GPR39: variants seen among roughly 807,000 people sequenced by gnomAD.
GPR39 encodes the protein G protein-coupled receptor 39, also known as zinc sensing receptor.
Under a neutral mutation model 18.4 loss-of-function variants are expected in GPR39, and 23 were observed. That is an observed-to-expected ratio of 1.25 (90% CI 0.90 to 1.77). GPR39 has a LOEUF of 1.77. Among genes scored for constraint, GPR39 ranks in the 40% most tolerant of loss-of-function variants. The pLI, the probability that GPR39 is intolerant of heterozygous loss-of-function variation, is 0.00. For missense variants in GPR39, 647 were observed against 602.4 expected, an observed-to-expected ratio of 1.07 and a Z score of -0.78; for synonymous variants, 280 against 257.9, an observed-to-expected ratio of 1.09 and a Z score of -0.82.
At chr2:132,456,793 G>A (rs956774178) in intron 1 of GPR39, among the ~76,000 whole-genome samples, 27 of 152,314 alleles carry the variant, frequency 1.8e-4, no homozygotes, top group African/African-American at 6.3e-4. Flanking sequence ...CTTTAAGCAT[G>A]TTGAATATTG....
At chr2:132,585,199 T>A (rs2104826596) in intron 1 of GPR39, among the ~76,000 whole-genome samples, 1 of 152,210 alleles carries the variant, frequency 6.6e-6, no homozygotes, top group Middle Eastern at 3.4e-3. Flanking sequence ...CCCTTTACCG[T>A]TCCACTGCTT....
chr2:132,607,558 T>G (rs1681161157), intron 1 of GPR39, among the ~76,000 whole-genome samples: 1 of 152,204 alleles, frequency 6.6e-6, no homozygotes, highest in Admixed American at 6.5e-5. Context: ...GGTTCTCTCC[T>G]GCAGCCTAAA....
At chr2:132,511,239 A>G (rs1267918702) in intron 1 of GPR39, among the ~76,000 whole-genome samples, 1 of 152,194 alleles carries the variant, frequency 6.6e-6, no homozygotes, top group African/African-American at 2.4e-5. Context: ...CAAACCTGAT[A>G]TTTTATAACA....
chr2:132,594,588 C>T (rs1680904254), intron 1 of GPR39, among the ~76,000 whole-genome samples: 1 of 151,908 alleles, frequency 6.6e-6, no homozygotes, highest in African/African-American at 2.4e-5. Flanking sequence ...CCCTTCCCTG[C>T]CTCCCACCCA....
At chr2:132,614,148 G>A (rs1485824865) in intron 1 of GPR39, among the ~76,000 whole-genome samples, 1 of 150,804 alleles carries the variant, frequency 6.6e-6, no homozygotes, top group Non-Finnish European at 1.5e-5. Flanking sequence ...CATCCATCCA[G>A]AATTGCAGTG....
intron 1 of GPR39, among the ~76,000 whole-genome samples, chr2:132,536,021 A>C (rs192754089): frequency 0.012 from 1,717 of 145,934 alleles, 29 homozygotes; most frequent in African/African-American, 0.038. Flanking sequence ...AAAAAAAAAA[A>C]CAGCTCCTGG....
intron 1 of GPR39, among the ~76,000 whole-genome samples, chr2:132,564,100 C>G (rs532576380): frequency 6.6e-6 from 1 of 152,250 alleles, no homozygotes; most frequent in African/African-American, 2.4e-5. Context: ...AGCAACCCAA[C>G]CTGTCAGGAA....
chr2:132,512,893 T>C (rs989864194), intron 1 of GPR39, among the ~76,000 whole-genome samples: 40 of 152,366 alleles, frequency 2.6e-4, no homozygotes, highest in Admixed American at 9.8e-4. Context: ...AATATTTTCA[T>C]TCTTTATTGC....
chr2:132,451,174 T>TGTGCGC (rs3219552), intron 1 of GPR39, among the ~76,000 whole-genome samples: 86 of 150,462 alleles, frequency 5.7e-4, no homozygotes, highest in Non-Finnish European at 1.1e-3. Flanking sequence ...TGTGTGTGTG[T>TGTGCGC]GCACGCGCGT....
Position 132,606,359 on chromosome 2 carries a change from G to A in GPR39, c.857-38742G>A, listed in dbSNP as rs11902039. 2.5e-3 allele frequency among the ~76,000 whole-genome samples: 380 copies of A among 152,324 alleles called. 2 individuals are homozygous for A. The highest frequency in any genetic ancestry group is 8.7e-3 in the African/African-American group (362 of 41,580). On this transcript the variant is annotated intron_variant, in intron 1 of 1. Transcript: ENST00000329321. ...AAACATACCAAGTGCTTAGCTCAAT[G>A]TTCAGCTAGCAGCAAGTATTTATAA...
intron 1 of GPR39, among the ~76,000 whole-genome samples, chr2:132,455,595 C>T (rs1191228355): frequency 1.3e-5 from 2 of 152,140 alleles, no homozygotes; most frequent in African/African-American, 4.8e-5. Context: ...TTCGATCTTT[C>T]CTGCTTTCTC....
In GPR39 at chr2:132,432,675, C is replaced by A. The variant is rs1680244624; in HGVS notation, c.856+14777C>A. On this transcript the variant is annotated intron_variant, in intron 1 of 1. Coordinates refer to ENST00000329321, the MANE Select transcript of GPR39 (RefSeq NM_001508.3). The stretch of plus-strand genomic sequence containing the variant: ...ACATTTTTCAGCCTACTGCAGGGAG[C>A]AAAGGGATACCAGAAAGTACAAAAA... 1.3e-5 allele frequency among the ~76,000 whole-genome samples: 2 copies of A among 152,270 alleles called. 1 individual carries two copies. The highest frequency in any genetic ancestry group is 3.9e-4 in the East Asian group (2 of 5,186).
chr2:132,628,430 C>T (rs1478536172), intron 1 of GPR39, among the ~76,000 whole-genome samples: 1 of 152,120 alleles, frequency 6.6e-6, no homozygotes, highest in African/African-American at 2.4e-5. Flanking sequence ...TTGGGAGGGC[C>T]CTGGCAGGAG....
intron 1 of GPR39, among the ~76,000 whole-genome samples, chr2:132,610,777 C>CA (rs34611787): frequency 0.2 from 17,450 of 88,610 alleles, 1,555 homozygotes; most frequent in Admixed American, 0.22. Flanking sequence ...ACTCTGTCTC[C>CA]AAAAAAAAAA....
intron 1 of GPR39, among the ~76,000 whole-genome samples, chr2:132,476,482 A>T (rs575430772): frequency 9.9e-5 from 15 of 151,820 alleles, no homozygotes; most frequent in Non-Finnish European, 1.9e-4. Context: ...CTAAAAATAC[A>T]AAAATTAGCT....
intron 1 of GPR39, among the ~76,000 whole-genome samples, chr2:132,483,125 C>T (rs1681265438): frequency 1.3e-5 from 2 of 152,270 alleles, no homozygotes; most frequent in South Asian, 4.1e-4. Flanking sequence ...AAATGAGAGA[C>T]CTAATAATAC....
intron 1 of GPR39, among the ~76,000 whole-genome samples, chr2:132,447,337 A>G (rs536946413): frequency 4.6e-5 from 7 of 152,338 alleles, no homozygotes; most frequent in African/African-American, 1.2e-4. Flanking sequence ...ATAGAAACCA[A>G]ATCTAAGTGG....
intron 1 of GPR39, among the ~76,000 whole-genome samples, chr2:132,557,988 T>G (rs1307597096): frequency 1.5e-5 from 2 of 133,628 alleles, no homozygotes; most frequent in Non-Finnish European, 3.2e-5. Flanking sequence ...GTGGTGGTGG[T>G]GGTGGGGTGG....
chr2:132,511,258 T>C (rs1273090751), intron 1 of GPR39, among the ~76,000 whole-genome samples: 1 of 152,200 alleles, frequency 6.6e-6, no homozygotes, highest in Non-Finnish European at 1.5e-5. Context: ...CACTTTGGAA[T>C]TTATTGCCAA....
Sources: gnomAD v4.1 joint callset for allele counts (sites outside exome capture counted in the v4.1 genomes callset) on GRCh38, gnomAD v4.1.1 for gene constraint, MANE v1.5 for transcripts, NCBI Gene and HGNC (gene_info 2026-07-23, HGNC 2026-07-21) for gene names.